Variants in SASH1 observed in about 807,000 individuals in gnomAD.
SASH1 encodes SAM and SH3 domain-containing protein 1.
In SASH1, 44 loss-of-function variants were observed where a neutral mutation model predicts 125.2. That is an observed-to-expected ratio of 0.35 (90% CI 0.28 to 0.45). The LOEUF is 0.45. SASH1 is among the 20% of genes least tolerant of loss of function. The pLI is 1.00. For missense variants in SASH1, 1,426 were observed against 1,614.5 expected, an observed-to-expected ratio of 0.88 and a Z score of 2.00; for synonymous variants, 639 against 649.1, an observed-to-expected ratio of 0.98 and a Z score of 0.24.
chr6:148,421,146 G>GAAGGAAGGAAGGAAGGAAGAAAGAAAGA (rs1554254949), intron 2 of SASH1, among the ~76,000 whole-genome samples: 2 of 71,238 alleles, frequency 2.8e-5, no homozygotes, highest in Non-Finnish European at 3.1e-5. Flanking sequence ...AGGAAGGAAG[G>GAAGGAAGGAAGGAAGGAAGAAAGAAAGA]AAGAAAGAAA....
At chr6:148,288,719 C>T (rs933638998) in intron 1 of SASH1, among the ~76,000 whole-genome samples, 4 of 151,998 alleles carry the variant, frequency 2.6e-5, no homozygotes, top group Admixed American at 2.6e-4. Context: ...ACACACTTTC[C>T]AGGCTGAGGC....
At chr6:148,443,751 G>A (rs548968576) in intron 4 of SASH1, among the ~76,000 whole-genome samples, 142 of 152,092 alleles carry the variant, frequency 9.3e-4, no homozygotes, top group African/African-American at 3.2e-3. Context: ...AAAATCCTAA[G>A]TCAGATTATA....
intron 2 of SASH1, among the ~76,000 whole-genome samples, chr6:148,405,086 G>T (rs1562385143): frequency 1.3e-5 from 2 of 151,894 alleles, no homozygotes; most frequent in Non-Finnish European, 2.9e-5. Flanking sequence ...TCAAACCGGG[G>T]ATACTCCTGC....
rs541777388 is a variant in SASH1 at position 148,546,913 on chromosome 6, C to CAGT, written c.3480+771_3480+773dup. Reference sequence around the variant, plus strand: ...AAAAAAAAAATTGATATCATCAATACAGTAGTCTCCCCCTATCCATGAGGG... The same window carrying CAGT: ...AAAAAAAAAATTGATATCATCAATACAGTAGTAGTCTCCCCCTATCCATGAGGG... On this transcript the variant is annotated intron_variant, in intron 19 of 19. Coordinates refer to ENST00000367467, the MANE Select transcript of SASH1 (RefSeq NM_015278.5). Among the ~76,000 whole-genome samples, 85 of 152,042 alleles carry CAGT rather than the reference C, an allele frequency of 5.6e-4. 2 individuals carry two copies. The South Asian group carries it at 0.015, about 28-fold the overall frequency.
intron 1 of SASH1, among the ~76,000 whole-genome samples, chr6:148,358,607 C>T (rs558461994): frequency 1.3e-5 from 2 of 152,168 alleles, no homozygotes; most frequent in Admixed American, 1.3e-4. Context: ...AGGGATATGG[C>T]CAGACTCTTA....
chr6:148,200,548 A>G, the SASH1 span, among the ~76,000 whole-genome samples: 1 of 152,222 alleles, frequency 6.6e-6, no homozygotes, highest in Non-Finnish European at 1.5e-5. Flanking sequence ...CTGGCAAGAG[A>G]TCCAAGTGCG....
chr6:148,517,419 G>A (rs993244785), intron 9 of SASH1, among the ~76,000 whole-genome samples: 5 of 152,180 alleles, frequency 3.3e-5, no homozygotes, highest in Admixed American at 2.0e-4. Flanking sequence ...AGGCCTTCAC[G>A]TGAAGCAAAT....
At chr6:148,286,007 T>C (rs931625288) in intron 1 of SASH1, among the ~76,000 whole-genome samples, 36 of 152,180 alleles carry the variant, frequency 2.4e-4, no homozygotes, top group Non-Finnish European at 4.7e-4. Flanking sequence ...TTAACTTTCT[T>C]TTTTAGAAGC....
rs1280757792 is a variant in SASH1, at chr6:148,533,158, G to A, written c.1734+192G>A. 6.6e-6 allele frequency among the ~76,000 whole-genome samples: 1 copy of A among 152,100 alleles called. No homozygotes were observed. Among genetic ancestry groups the A allele is most frequent in the Non-Finnish European group, 1.5e-5 (1 of 68,008 alleles). ...CAGCCAGCCCTCGAGGCAGAGGGAG[G>A]GTCTCGTGTTAATCCCTGGGTTAGC... On this transcript the variant is annotated intron_variant, in intron 14 of 19. Coordinates refer to ENST00000367467, the MANE Select transcript of SASH1 (RefSeq NM_015278.5). The surrounding 1 kb of genome is among the most constrained non-coding windows in gnomAD (Gnocchi z 6.2).
At chr6:148,523,288 A>G (rs1016494375) in intron 10 of SASH1, among the ~76,000 whole-genome samples, 2 of 152,266 alleles carry the variant, frequency 1.3e-5, no homozygotes, top group Admixed American at 6.5e-5. Flanking sequence ...AGGAACTAGA[A>G]TAAAATCACT....
At chr6:148,227,429 C>G in the SASH1 span, among the ~76,000 whole-genome samples, 1 of 152,190 alleles carries the variant, frequency 6.6e-6, no homozygotes, top group Non-Finnish European at 1.5e-5. Context: ...GCAATCTCAG[C>G]TCACTGCAAC....
chr6:148,544,215 C>A lies in SASH1; in HGVS notation c.2745C>A (p.Ile915=), dbSNP rs141159728. The A allele has an allele frequency of 1.8e-3, 2,947 of 1,614,142 alleles. 4 individuals are homozygous for A. Among genetic ancestry groups the A allele is most frequent in the Non-Finnish European group, 2.1e-3 (2,511 of 1,180,030 alleles). ...CAACTAAGAAACTGGAGGGCTCAAT[C>A]GCAGCCTCTGGTCGCGGCCTGTCAC... ...KLTTKKLEGS[I]AASGRGLSPP... The change falls in exon 18 of 20, where the codon ATC becomes ATA. Residue 915 remains isoleucine, a synonymous_variant. Coordinates refer to ENST00000367467, the MANE Select transcript of SASH1 (RefSeq NM_015278.5). This position sits in a 1 kb window ranked among gnomAD's most constrained non-coding sequence, Gnocchi z 6.4.
intron 2 of SASH1, among the ~76,000 whole-genome samples, chr6:148,421,158 A>AAAGG (rs1562396446): frequency 1.7e-5 from 1 of 58,106 alleles, no homozygotes; most frequent in East Asian, 5.6e-4. Flanking sequence ...AGAAAGAAAG[A>AAAGG]AAGAAAGAAA....
chr6:148,402,043 A>G (rs570814329), intron 2 of SASH1, among the ~76,000 whole-genome samples: 1 of 152,174 alleles, frequency 6.6e-6, no homozygotes, highest in African/African-American at 2.4e-5. Context: ...AAGATTAAAC[A>G]TTTCCTTCTA....
intron 1 of SASH1, among the ~76,000 whole-genome samples, chr6:148,294,828 T>G (rs1779720478): frequency 6.6e-6 from 1 of 152,170 alleles, no homozygotes; most frequent in African/African-American, 2.4e-5. Flanking sequence ...GTGCTGAGTT[T>G]CTTTCTAAAG....
chr6:148,296,418 C>T (rs1002196084), intron 1 of SASH1, among the ~76,000 whole-genome samples: 14 of 152,094 alleles, frequency 9.2e-5, no homozygotes, highest in Non-Finnish European at 2.9e-5. Flanking sequence ...GAGCCACTAC[C>T]CCAGGCCCTT....
chr6:148,544,970 T>C lies in SASH1; in HGVS notation c.3348+152T>C, dbSNP rs1004571923. The C allele has an allele frequency of 2.1e-5, 14 of 677,302 alleles. No individual in the cohort carries two copies. The African/African-American group carries it at 2.5e-4, about 12-fold the overall frequency. The allele number at this position is 677,302 out of a possible 1,614,324, so 42.0% of individuals were successfully genotyped here. ...CCACGTGTCCACACCTTACTTGACA[T>C]GCATGTGTTCAGATATTGACACCAC... On this transcript the variant is annotated intron_variant, in intron 18 of 19. Coordinates refer to ENST00000367467, the MANE Select transcript of SASH1 (RefSeq NM_015278.5). This position sits in a 1 kb window ranked among gnomAD's most constrained non-coding sequence, Gnocchi z 6.4.
chr6:148,387,932 T>TTTGG (rs1783540472), intron 1 of SASH1, among the ~76,000 whole-genome samples: 1 of 113,240 alleles, frequency 8.8e-6, no homozygotes, highest in Non-Finnish European at 1.9e-5. Context: ...TTTTTTTTTT[T>TTTGG]GAGACAGGGT....
intron 17 of SASH1, among the ~76,000 whole-genome samples, chr6:148,541,032 G>A (rs1782186037): frequency 1.3e-5 from 2 of 151,948 alleles, no homozygotes; most frequent in Non-Finnish European, 2.9e-5. Flanking sequence ...TAATCAGTAT[G>A]AAATTTCAGA....
Sources: allele counts gnomAD v4.1 joint callset (sites outside exome capture counted in the v4.1 genomes callset), GRCh38; gene constraint gnomAD v4.1.1; non-coding constraint Gnocchi (gnomAD v3.1); transcripts MANE v1.5; gene names NCBI Gene and HGNC (gene_info 2026-07-23, HGNC 2026-07-21).